IQSEC1: variants seen among roughly 807,000 people sequenced by gnomAD.
The protein encoded by IQSEC1 is IQ motif and Sec7 domain ArfGEF 1, also known as IQ motif and SEC7 domain-containing protein 1.
In IQSEC1, 31 loss-of-function variants were observed where a neutral mutation model predicts 91.0. The ratio of observed to expected loss-of-function variants is 0.34; its 90% CI spans 0.26 to 0.46. The LOEUF (loss-of-function observed/expected upper bound fraction) is 0.46. Among genes scored for constraint, IQSEC1 ranks in the 20% least tolerant of loss-of-function variants. IQSEC1 has a pLI of 1.00. For synonymous variants in IQSEC1, 699 were observed against 662.6 expected, an observed-to-expected ratio of 1.05 and a Z score of -0.84; for missense variants, 1,388 against 1,575.6, an observed-to-expected ratio of 0.88 and a Z score of 2.02.
intron 1 of IQSEC1, among the ~76,000 whole-genome samples, chr3:13,221,552 C>T (rs868846836): frequency 2.6e-5 from 4 of 152,110 alleles, no homozygotes; most frequent in African/African-American, 7.2e-5. Context: ...CACCCCAGGC[C>T]GCCTGGCCAA....
At chr3:13,120,761 C>A (rs1038371587) in intron 2 of IQSEC1, among the ~76,000 whole-genome samples, 2 of 152,196 alleles carry the variant, frequency 1.3e-5, no homozygotes, top group Non-Finnish European at 2.9e-5. Context: ...CCGGTACCCT[C>A]AGAGGCACAG....
chr3:13,270,851 A>G (rs140720026), intron 1 of IQSEC1, among the ~76,000 whole-genome samples: 2 of 152,356 alleles, frequency 1.3e-5, no homozygotes, highest in Admixed American at 6.5e-5. Flanking sequence ...GACTGGTAGA[A>G]TGGATAATAG....
At chr3:13,002,054 C>T (rs531952468) in intron 1 of IQSEC1, among the ~76,000 whole-genome samples, 1 of 152,018 alleles carries the variant, frequency 6.6e-6, no homozygotes, top group East Asian at 1.9e-4. Flanking sequence ...GCCTGGGTGA[C>T]AGAACAAGAC....
rs71306025 is a variant in IQSEC1 at position 12,922,327 on chromosome 3, C to T, written c.1731-85G>A. The T allele has an allele frequency of 5.6e-3, 8,053 of 1,430,750 alleles. 35 individuals are homozygous for T. Among genetic ancestry groups the T allele is most frequent in the Non-Finnish European group, 6.6e-3 (7,126 of 1,079,572 alleles). 88.6% of individuals were successfully genotyped at this position (1,430,750 alleles called of 1,614,324 possible). A position where few individuals can be genotyped will look rare whatever the true frequency, so the allele number is the denominator to read the frequency against. Reference sequence around the variant, plus strand: ...CACCCCCAGGTGGTGGTGCCTGAAGCCCTGGGAATGGACCGCCTCCTGGCA... The same window carrying T: ...CACCCCCAGGTGGTGGTGCCTGAAGTCCTGGGAATGGACCGCCTCCTGGCA... On this transcript the variant is annotated intron_variant, in intron 4 of 13. Coordinates refer to ENST00000613206, the MANE Select transcript of IQSEC1 (RefSeq NM_001134382.3). This position sits in a 1 kb window ranked among gnomAD's most constrained non-coding sequence, Gnocchi z 5.1.
intron 1 of IQSEC1, among the ~76,000 whole-genome samples, chr3:13,217,834 C>T (rs576870333): frequency 7.6e-4 from 116 of 152,282 alleles, no homozygotes; most frequent in African/African-American, 2.7e-3. Flanking sequence ...AAAACAATGA[C>T]ATCACATTCT....
At chr3:13,240,709 C>T (rs1576307042) in intron 1 of IQSEC1, among the ~76,000 whole-genome samples, 1 of 152,218 alleles carries the variant, frequency 6.6e-6, no homozygotes, top group East Asian at 1.9e-4. Context: ...GACACCAGTA[C>T]CCAGTGCTCA....
intron 12 of IQSEC1, 110 bp from the exon 13 acceptor site, chr3:12,902,932 C>T: frequency 1.2e-6 from 1 of 846,360 alleles, no homozygotes; most frequent in Non-Finnish European, 2.0e-6. Flanking sequence ...TGGGAGCAGG[C>T]ACAGGTGCCG....
At chr3:13,069,812 A>C (rs1705354816) in intron 1 of IQSEC1, among the ~76,000 whole-genome samples, 1 of 152,260 alleles carries the variant, frequency 6.6e-6, no homozygotes, top group African/African-American at 2.4e-5. Flanking sequence ...GCCATCCTTC[A>C]TTCAGACACC....
chr3:13,115,962 T>TGCTATGAA (rs1232649327), intron 2 of IQSEC1, among the ~76,000 whole-genome samples: 1 of 152,202 alleles, frequency 6.6e-6, no homozygotes, highest in Non-Finnish European at 1.5e-5. Flanking sequence ...GCCCCCAGAA[T>TGCTATGAA]GCTATGAAAG....
intron 2 of IQSEC1, among the ~76,000 whole-genome samples, chr3:12,939,979 C>T (rs555578873): frequency 2.6e-5 from 4 of 152,310 alleles, no homozygotes; most frequent in East Asian, 1.9e-4. Context: ...GCATAGTGGG[C>T]GTTCAGATAA....
Position 12,992,369 on chromosome 3 carries a change from G to A in IQSEC1, c.24-50504C>T, listed in dbSNP as rs947202220. Among the ~76,000 whole-genome samples the A allele has an allele frequency of 1.3e-5, 2 of 151,740 alleles. No individual in the cohort carries two copies. Among genetic ancestry groups the A allele is most frequent in the African/African-American group, 4.8e-5 (2 of 41,336 alleles). The stretch of plus-strand genomic sequence containing the variant: ...GTGGGGGGTGGGAGGAGATGGCACC[G>A]CTAAGGCAATTTCTCTTCTTTCCCC... On this transcript the variant is annotated intron_variant, in intron 1 of 13. Transcript: ENST00000613206. This position sits in a 1 kb window ranked among gnomAD's most constrained non-coding sequence, Gnocchi z 4.1.
chr3:13,169,515 G>A (rs1211634390), intron 1 of IQSEC1, among the ~76,000 whole-genome samples: 1 of 152,204 alleles, frequency 6.6e-6, no homozygotes, highest in Non-Finnish European at 1.5e-5. Flanking sequence ...GACACGGGTT[G>A]GAACAGTTTG....
intron 12 of IQSEC1, among the ~76,000 whole-genome samples, chr3:12,903,655 G>GGCCCC (rs1373168587): frequency 1.3e-5 from 2 of 152,160 alleles, no homozygotes; most frequent in Non-Finnish European, 2.9e-5. Flanking sequence ...GGCCCGGCCT[G>GGCCCC]GCCCCGCCCA....
intron 2 of IQSEC1, among the ~76,000 whole-genome samples, chr3:13,146,319 C>T (rs893331382): frequency 6.6e-5 from 10 of 152,132 alleles, no homozygotes; most frequent in Admixed American, 6.5e-4. Flanking sequence ...AAATACTATC[C>T]CTTCACGTGT....
Position 12,941,610 on chromosome 3 carries a change from G to C in IQSEC1, c.279C>G (p.Ser93=). The change falls in exon 2 of 14, where the codon TCC becomes TCG. Residue 93 remains serine (S), a synonymous_variant. Transcript: ENST00000613206. ...GGTCCGAGGAGAGCTCATAGCTCTC[G>C]GAGAGTGAGCGTGAGCGCTTGATGG... The part of the protein sequence containing the change: ...EEAIKRSRSL[S]ESYELSSDLQ... 1.0e-5 allele frequency: 16 copies of C among 1,607,122 alleles called. No homozygotes were observed. Among genetic ancestry groups the C allele is most frequent in the Non-Finnish European group, 1.4e-5 (16 of 1,176,526 alleles).
intron 1 of IQSEC1, among the ~76,000 whole-genome samples, chr3:13,035,379 C>T (rs548765498): frequency 6.6e-6 from 1 of 152,312 alleles, no homozygotes; most frequent in South Asian, 2.1e-4. Flanking sequence ...GTCTTCCCTA[C>T]GTGGACTTGA....
At chr3:13,042,992 G>A (rs574768253) in intron 1 of IQSEC1, among the ~76,000 whole-genome samples, 189 of 152,308 alleles carry the variant, frequency 1.2e-3, no homozygotes, top group African/African-American at 4.3e-3. Context: ...CATGGTGCTT[G>A]GGGTGGGGGC....
intron 2 of IQSEC1, among the ~76,000 whole-genome samples, chr3:13,115,692 C>G (rs1225202669): frequency 1.2e-4 from 18 of 152,250 alleles, no homozygotes; most frequent in South Asian, 2.1e-4. Context: ...CCTGGCAGGC[C>G]CAAGGCTGGG....
At chr3:12,937,805 T>C (rs907844441) in intron 2 of IQSEC1, among the ~76,000 whole-genome samples, 9 of 152,284 alleles carry the variant, frequency 5.9e-5, no homozygotes, top group East Asian at 1.9e-4. Flanking sequence ...GATGGGCAAA[T>C]TGTGGCCCAG....
Sources: allele counts gnomAD v4.1 joint callset (sites outside exome capture counted in the v4.1 genomes callset), GRCh38; gene constraint gnomAD v4.1.1; non-coding constraint Gnocchi (gnomAD v3.1); transcripts MANE v1.5; gene names NCBI Gene and HGNC (gene_info 2026-07-23, HGNC 2026-07-21).